Variants in PLCB1 observed in about 807,000 individuals in gnomAD.
The protein encoded by PLCB1 is 1-phosphatidylinositol 4,5-bisphosphate phosphodiesterase beta-1.
In PLCB1, 46 loss-of-function variants were observed where a neutral mutation model predicts 161.8. That is an observed-to-expected ratio of 0.28 (90% CI 0.22 to 0.36). The LOEUF is 0.36. PLCB1 is among the 10% of genes least tolerant of loss of function. PLCB1 has a pLI of 1.00. For missense variants in PLCB1, 1,016 were observed against 1,472.5 expected, an observed-to-expected ratio of 0.69 and a Z score of 5.07; for synonymous variants, 517 against 503.7, an observed-to-expected ratio of 1.03 and a Z score of -0.35.
chr20:8,412,971 A>C (rs913811366), intron 3 of PLCB1, among the ~76,000 whole-genome samples: 17 of 151,646 alleles, frequency 1.1e-4, no homozygotes, highest in African/African-American at 4.1e-4. Flanking sequence ...AAAAAAAAAA[A>C]CCAATATACA....
intron 2 of PLCB1, among the ~76,000 whole-genome samples, chr20:8,268,311 G>A (rs1310133217): frequency 1.3e-5 from 2 of 152,018 alleles, no homozygotes; most frequent in East Asian, 1.9e-4. Flanking sequence ...CTTTTTTATG[G>A]CTGCATAGTA....
At chr20:8,695,512 G>A (rs1990565318) in intron 10 of PLCB1, among the ~76,000 whole-genome samples, 1 of 152,108 alleles carries the variant, frequency 6.6e-6, no homozygotes, top group Non-Finnish European at 1.5e-5. Flanking sequence ...GACCAACCTG[G>A]GCAACATAAG....
chr20:8,486,026 A>G (rs769175519), intron 3 of PLCB1, among the ~76,000 whole-genome samples: 4 of 152,192 alleles, frequency 2.6e-5, no homozygotes, highest in Non-Finnish European at 5.9e-5. Context: ...ATCCTTCTTC[A>G]CATGATAACA....
At chr20:8,178,376 T>G (rs191585140) in intron 2 of PLCB1, among the ~76,000 whole-genome samples, 1 of 152,318 alleles carries the variant, frequency 6.6e-6, no homozygotes, top group East Asian at 1.9e-4. Flanking sequence ...TGGTTTTGAT[T>G]GGCATTTCTC....
At chr20:8,422,604 G>A (rs1979584641) in intron 3 of PLCB1, among the ~76,000 whole-genome samples, 1 of 152,188 alleles carries the variant, frequency 6.6e-6, no homozygotes, top group South Asian at 2.1e-4. Flanking sequence ...TTTATCTTAT[G>A]AAATTTGAGT....
intron 31 of PLCB1, among the ~76,000 whole-genome samples, chr20:8,803,995 A>G (rs6056130): frequency 0.089 from 13,463 of 151,814 alleles, 1,683 homozygotes; most frequent in African/African-American, 0.28. Flanking sequence ...ATTTCTCCAT[A>G]TTGGTCAGGC....
chr20:8,257,938 A>G (rs1304498247), intron 2 of PLCB1, among the ~76,000 whole-genome samples: 1 of 152,138 alleles, frequency 6.6e-6, no homozygotes, highest in Non-Finnish European at 1.5e-5. Context: ...ATAAGACTTA[A>G]AGGTCATTCA....
intron 2 of PLCB1, among the ~76,000 whole-genome samples, chr20:8,232,341 A>C (rs765881337): frequency 2.6e-5 from 4 of 152,176 alleles, no homozygotes; most frequent in Admixed American, 6.5e-5. Context: ...CTTAAGATAA[A>C]GATAGAATTT....
chr20:8,400,439 A>G (rs1423013802), intron 3 of PLCB1, among the ~76,000 whole-genome samples: 1 of 152,170 alleles, frequency 6.6e-6, no homozygotes, highest in Non-Finnish European at 1.5e-5. Context: ...GTCTGATGTA[A>G]TGTTTTTAAA....
At chr20:8,691,987 C>G (rs1319755539) in intron 10 of PLCB1, among the ~76,000 whole-genome samples, 1 of 152,122 alleles carries the variant, frequency 6.6e-6, no homozygotes, top group Non-Finnish European at 1.5e-5. Flanking sequence ...ACAACCTATA[C>G]TTGTGCACCT....
Position 8,374,901 on chromosome 20 carries a change from T to C in PLCB1, c.246+3451T>C, listed in dbSNP as rs552760431. Among the ~76,000 whole-genome samples the C allele has an allele frequency of 4.6e-5, 7 of 152,304 alleles. No individual in the cohort carries two copies. The East Asian group carries it at 1.3e-3, about 29-fold the overall frequency. On this transcript the variant is annotated intron_variant, in intron 3 of 31. Coordinates refer to ENST00000338037, the MANE Select transcript of PLCB1 (RefSeq NM_015192.4). ...CTATATTCATATTATTTTTGTTTTT[T>C]ACAGCATCTCATTACATAAAAATTC...
At chr20:8,233,518 A>G (rs890933070) in intron 2 of PLCB1, among the ~76,000 whole-genome samples, 4 of 152,256 alleles carry the variant, frequency 2.6e-5, no homozygotes, top group Admixed American at 1.3e-4. Flanking sequence ...AACTTGGTTA[A>G]GTTGATTATT....
At chr20:8,154,205 G>A (rs960008508) in intron 2 of PLCB1, among the ~76,000 whole-genome samples, 1 of 152,126 alleles carries the variant, frequency 6.6e-6, no homozygotes, top group Admixed American at 6.6e-5. Flanking sequence ...AACTTTTCAA[G>A]TTAGTACATG....
rs888239433 is a variant in PLCB1 at position 8,883,826 on chromosome 20, T to C, written c.*1977T>C. The C allele has an allele frequency of 6.6e-6, 1 of 150,706 alleles. No individual in the cohort carries two copies. The highest frequency in any genetic ancestry group is 1.5e-5 in the Non-Finnish European group (1 of 67,522). The allele number at this position is 150,706 out of a possible 1,614,324, so 9.3% of individuals were successfully genotyped here. A position where few individuals can be genotyped will look rare whatever the true frequency, so the allele number is the denominator to read the frequency against. ...AACTTAACTTCCAATGAAAAAGAAATCTTTTGTAAATCATTCTACTTTTGC... is the reference window on the plus strand; with the variant it reads ...AACTTAACTTCCAATGAAAAAGAAACCTTTTGTAAATCATTCTACTTTTGC... On this transcript the variant is annotated 3_prime_UTR_variant, in exon 32 of 32. Coordinates refer to ENST00000338037, the MANE Select transcript of PLCB1 (RefSeq NM_015192.4).
At chr20:8,151,735 G>C (rs945562547) in intron 2 of PLCB1, among the ~76,000 whole-genome samples, 2 of 151,992 alleles carry the variant, frequency 1.3e-5, no homozygotes, top group African/African-American at 4.8e-5. Context: ...ATTCATGAAC[G>C]ATGTACTTAT....
intron 31 of PLCB1, among the ~76,000 whole-genome samples, chr20:8,815,286 A>G (rs1053152273): frequency 7.2e-5 from 11 of 152,310 alleles, no homozygotes; most frequent in Admixed American, 2.6e-4. Context: ...CAGGAATGAC[A>G]GTTCTTCAGA....
chr20:8,216,439 A>G (rs534683664), intron 2 of PLCB1, among the ~76,000 whole-genome samples: 1 of 152,140 alleles, frequency 6.6e-6, no homozygotes, highest in Non-Finnish European at 1.5e-5. Flanking sequence ...ATTCTCTTCC[A>G]CAAAGCTAAA....
chr20:8,607,449 A>C (rs1250962118), intron 3 of PLCB1, among the ~76,000 whole-genome samples: 2 of 152,106 alleles, frequency 1.3e-5, no homozygotes, highest in African/African-American at 2.4e-5. Context: ...CTTTGCCCCA[A>C]CCACCTCATC....
At chr20:8,870,012 C>T (rs758308711) in intron 31 of PLCB1, among the ~76,000 whole-genome samples, 1 of 152,212 alleles carries the variant, frequency 6.6e-6, no homozygotes, top group Non-Finnish European at 1.5e-5. Context: ...TAAGCCTCTG[C>T]ATAGGCCATG....
Sources: gnomAD v4.1 joint callset for allele counts (sites outside exome capture counted in the v4.1 genomes callset) on GRCh38, gnomAD v4.1.1 for gene constraint, MANE v1.5 for transcripts, NCBI Gene and HGNC (gene_info 2026-07-23, HGNC 2026-07-21) for gene names.